Variants in EXOC4 observed in about 807,000 individuals in gnomAD.
EXOC4 encodes exocyst complex component 4.
In EXOC4, 71 loss-of-function variants were observed where a neutral mutation model predicts 107.2. The observed-to-expected ratio is 0.66, with a 90% CI of 0.55 to 0.81. The LOEUF is 0.81. Ranked by LOEUF, EXOC4 falls within the 30% of genes least tolerant of loss-of-function variation. The pLI, the probability that EXOC4 is intolerant of heterozygous loss-of-function variation, is 0.00. For synonymous variants in EXOC4, 456 were observed against 441.2 expected (o/e 1.03, Z -0.42); for missense variants, 1,108 against 1,189.6 (o/e 0.93, Z 1.01).
intron 14 of EXOC4, among the ~76,000 whole-genome samples, chr7:133,960,656 C>G (rs1367151823): frequency 6.6e-6 from 1 of 152,168 alleles, no homozygotes; most frequent in Non-Finnish European, 1.5e-5. Flanking sequence ...CTTTATGCAT[C>G]CCTGGTGTGA....
chr7:133,781,298 C>T (rs1158062070), intron 10 of EXOC4, among the ~76,000 whole-genome samples: 1 of 152,200 alleles, frequency 6.6e-6, no homozygotes, highest in Non-Finnish European at 1.5e-5. Context: ...AACTCAAGAT[C>T]AGACCAGATC....
chr7:133,491,364 C>G (rs1284729840), intron 9 of EXOC4, among the ~76,000 whole-genome samples: 1 of 152,198 alleles, frequency 6.6e-6, no homozygotes, highest in African/African-American at 2.4e-5. Context: ...TCAGCACCAG[C>G]TAACTCATTT....
rs554243318 is a variant in EXOC4 at position 133,922,104 on chromosome 7, C to G, written c.2027+4366C>G. ...GAGTTTTCATCTCTTCTTACATTAC[C>G]TGTAGTTTGCTTTTTATTGGATATC... On this transcript the variant is annotated intron_variant, in intron 13 of 17. Coordinates refer to ENST00000253861, the MANE Select transcript of EXOC4 (RefSeq NM_021807.4). Among the ~76,000 whole-genome samples, 7 of 151,824 alleles carry G rather than the reference C, an allele frequency of 4.6e-5. No homozygotes were observed. The East Asian group carries it at 1.4e-3, about 29-fold the overall frequency.
At position 133,277,489 on chromosome 7, in the gene EXOC4, C is replaced by T. The variant is rs139160980; in HGVS notation, c.276+2318C>T. Among the ~76,000 whole-genome samples the T allele has an allele frequency of 4.8e-3, 732 of 152,278 alleles. 5 individuals are homozygous for T. The highest frequency in any genetic ancestry group is 0.017 in the African/African-American group (711 of 41,540). The stretch of plus-strand genomic sequence containing the variant: ...CATTCTGAGTCGATAACATCTTAGC[C>T]GCTAACAAAGAATGTTCGCCTGATA... On this transcript the variant is annotated intron_variant, in intron 2 of 17. Coordinates refer to ENST00000253861, the MANE Select transcript of EXOC4 (RefSeq NM_021807.4).
chr7:133,492,229 G>A (rs1039701426), intron 9 of EXOC4, among the ~76,000 whole-genome samples: 8 of 152,130 alleles, frequency 5.3e-5, no homozygotes, highest in Non-Finnish European at 4.4e-5. Flanking sequence ...AGGTGAGGTG[G>A]GAAGTGACCC....
chr7:133,397,678 T>A (rs1797001462), intron 7 of EXOC4, among the ~76,000 whole-genome samples: 1 of 152,176 alleles, frequency 6.6e-6, no homozygotes, highest in Non-Finnish European at 1.5e-5. Flanking sequence ...GTTTGTGATT[T>A]TTTTCCTCTG....
chr7:133,782,334 A>G (rs955720525), intron 10 of EXOC4, among the ~76,000 whole-genome samples: 2 of 152,218 alleles, frequency 1.3e-5, no homozygotes, highest in African/African-American at 4.8e-5. Flanking sequence ...ATAAGCAAGT[A>G]TCCCTCCTTG....
intron 14 of EXOC4, among the ~76,000 whole-genome samples, chr7:133,993,829 T>A (rs1162788792): frequency 6.6e-6 from 1 of 152,156 alleles, no homozygotes; most frequent in Admixed American, 6.5e-5. Flanking sequence ...ATTCTCCTTT[T>A]ATCAGGAAAA....
rs1304038062 is a variant in EXOC4 at position 134,064,735 on chromosome 7, A to T, written c.*207A>T. The T allele has an allele frequency of 8.4e-6, 3 of 358,156 alleles. No homozygotes were observed. The highest frequency in any genetic ancestry group is 8.5e-5 in the East Asian group (2 of 23,466). The allele number at this position is 358,156 out of a possible 1,614,324, so 22.2% of individuals were successfully genotyped here. ...TACAGAGTGTTTTGGTTGAACAACT[A>T]CTTTAATGCAGTCAAATCTAACGGG... On this transcript the variant is annotated 3_prime_UTR_variant, in exon 18 of 18. Coordinates refer to ENST00000253861, the MANE Select transcript of EXOC4 (RefSeq NM_021807.4).
chr7:134,044,110 A>C (rs1029049034), intron 17 of EXOC4, among the ~76,000 whole-genome samples: 1 of 152,184 alleles, frequency 6.6e-6, no homozygotes, highest in East Asian at 1.9e-4. Context: ...GGTGAAGCCT[A>C]GTGGAGAAGA....
At position 133,895,170 on chromosome 7, in the gene EXOC4, C is replaced by T. The variant is rs1331601975; in HGVS notation, c.1735-429C>T. The T allele has an allele frequency of 6.6e-5, 10 of 151,918 alleles. 1 individual carries two copies. Among genetic ancestry groups the T allele is most frequent in the East Asian group, 5.5e-4 (3 of 5,470 alleles). The allele number at this position is 151,918 out of a possible 1,614,324, so 9.4% of individuals were successfully genotyped here. The stretch of plus-strand genomic sequence containing the variant: ...AAGCCGGTCTGAAAAGCGCAATATT[C>T]GGGTGGGAGTGACCCGATTTTCCAG... On this transcript the variant is annotated intron_variant, in intron 11 of 17. Coordinates refer to ENST00000253861, the MANE Select transcript of EXOC4 (RefSeq NM_021807.4).
intron 9 of EXOC4, among the ~76,000 whole-genome samples, chr7:133,605,587 T>C (rs2150991075): frequency 6.6e-6 from 1 of 152,304 alleles, no homozygotes; most frequent in Non-Finnish European, 1.5e-5. Context: ...ACTTTGTTTT[T>C]CCTGAAGTAA....
At chr7:133,362,735 G>A (rs1186054949) in intron 6 of EXOC4, among the ~76,000 whole-genome samples, 1 of 150,430 alleles carries the variant, frequency 6.6e-6, no homozygotes, top group Non-Finnish European at 1.5e-5. Flanking sequence ...TATGGAAGGA[G>A]AAATAAATGA....
chr7:134,007,247 G>A (rs1466871857), intron 16 of EXOC4, among the ~76,000 whole-genome samples: 2 of 152,172 alleles, frequency 1.3e-5, no homozygotes, highest in Non-Finnish European at 2.9e-5. Flanking sequence ...AGCCCAAAGT[G>A]TCCTTCTCTA....
intron 9 of EXOC4, among the ~76,000 whole-genome samples, chr7:133,489,811 A>G (rs754290593): frequency 2.0e-5 from 3 of 152,198 alleles, no homozygotes; most frequent in Non-Finnish European, 2.9e-5. Flanking sequence ...TGTCACTTAT[A>G]TGGTCACCTG....
intron 10 of EXOC4, among the ~76,000 whole-genome samples, chr7:133,718,092 A>C (rs1309201539): frequency 6.6e-6 from 1 of 152,174 alleles, no homozygotes; most frequent in African/African-American, 2.4e-5. Context: ...AGAGTTCAAC[A>C]CTGATTGCCC....
chr7:134,053,534 A>G (rs935669901), intron 17 of EXOC4, among the ~76,000 whole-genome samples: 27 of 150,770 alleles, frequency 1.8e-4, no homozygotes, highest in African/African-American at 6.6e-4. Flanking sequence ...TAACCATTGT[A>G]TATGCTGATG....
intron 7 of EXOC4, among the ~76,000 whole-genome samples, chr7:133,471,431 C>G (rs1174799116): frequency 1.3e-5 from 2 of 151,770 alleles, no homozygotes; most frequent in African/African-American, 4.8e-5. Flanking sequence ...AAAAAAAATC[C>G]CTTTACTAAT....
intron 1 of EXOC4, among the ~76,000 whole-genome samples, chr7:133,256,179 C>T (rs1051605737): frequency 6.6e-6 from 1 of 152,174 alleles, no homozygotes; most frequent in Non-Finnish European, 1.5e-5. Context: ...GGCAGGGTTT[C>T]ACCATGTTAG....
Sources: gnomAD v4.1 joint callset for allele counts (sites outside exome capture counted in the v4.1 genomes callset) on GRCh38, gnomAD v4.1.1 for gene constraint, MANE v1.5 for transcripts, NCBI Gene and HGNC (gene_info 2026-07-23, HGNC 2026-07-21) for gene names.